Variants in CYSTM1 observed in about 807,000 individuals in gnomAD.
The protein encoded by CYSTM1 is cysteine rich transmembrane module containing 1.
A neutral mutation model predicts 13.1 loss-of-function variants in CYSTM1; 4 were observed. The ratio of observed to expected loss-of-function variants is 0.31; its 90% CI spans 0.15 to 0.70. The LOEUF (loss-of-function observed/expected upper bound fraction) is 0.70, where lower values mean the gene tolerates loss of function less well. CYSTM1 is among the 30% of genes least tolerant of loss of function. CYSTM1 has a pLI of 0.72. For missense variants in CYSTM1, 96 were observed against 121.6 expected, an observed-to-expected ratio of 0.79 and a Z score of 0.99; for synonymous variants, 36 against 42.7, an observed-to-expected ratio of 0.84 and a Z score of 0.62.
At chr5:140,236,170 A>T (rs1358776993) in intron 2 of CYSTM1, among the ~76,000 whole-genome samples, 1 of 152,198 alleles carries the variant, frequency 6.6e-6, no homozygotes. Flanking sequence ...GGTTTACAAA[A>T]ATAAAGTGAA....
At chr5:140,183,172 C>G (rs1428861749) in intron 1 of CYSTM1, among the ~76,000 whole-genome samples, 1 of 152,198 alleles carries the variant, frequency 6.6e-6, no homozygotes, top group African/African-American at 2.4e-5. Context: ...GGGACCTGGC[C>G]TGGGAAGTGG....
intron 2 of CYSTM1, among the ~76,000 whole-genome samples, chr5:140,232,145 G>T (rs1180886083): frequency 2.0e-5 from 3 of 152,210 alleles, no homozygotes; most frequent in African/African-American, 7.2e-5. Context: ...GTGCCTGGTG[G>T]TGGTGTTTAC....
chr5:140,227,798 G>A (rs1376836179), intron 2 of CYSTM1, among the ~76,000 whole-genome samples: 3 of 152,150 alleles, frequency 2.0e-5, no homozygotes, highest in Admixed American at 2.0e-4. Context: ...GGACCCCCAG[G>A]AGCAGCTTTG....
rs567997387 is a variant in CYSTM1, at chr5:140,180,640, G to A, written c.-21+5355G>A. Reference sequence around the variant, plus strand: ...GATTCCTTTATAGCTTTTAGGAGATGTATGTGGAATATTATTATTGATTTA... The same window carrying A: ...GATTCCTTTATAGCTTTTAGGAGATATATGTGGAATATTATTATTGATTTA... On this transcript the variant is annotated intron_variant, in intron 1 of 2. Coordinates refer to ENST00000261811, the MANE Select transcript of CYSTM1 (RefSeq NM_032412.4). 9.2e-5 allele frequency among the ~76,000 whole-genome samples: 14 copies of A among 152,282 alleles called. No homozygotes were observed. In the East Asian group the frequency reaches 2.7e-3, roughly 29 times the overall value.
intron 2 of CYSTM1, among the ~76,000 whole-genome samples, chr5:140,204,169 C>A (rs1764261803): frequency 6.6e-6 from 1 of 152,024 alleles, no homozygotes; most frequent in Non-Finnish European, 1.5e-5. Context: ...GAGTTCGACA[C>A]CAGCCTAGGC....
At chr5:140,242,015 T>G (rs955160156) in intron 2 of CYSTM1, among the ~76,000 whole-genome samples, 1 of 152,130 alleles carries the variant, frequency 6.6e-6, no homozygotes, top group Non-Finnish European at 1.5e-5. Flanking sequence ...TCCTTGCCTG[T>G]GAAGTGGGAA....
At chr5:140,195,722 TGCCTG>T (rs1292662481) in intron 2 of CYSTM1, among the ~76,000 whole-genome samples, 2 of 147,370 alleles carry the variant, frequency 1.4e-5, no homozygotes, top group African/African-American at 4.9e-5. Flanking sequence ...TGAGCCACTG[TGCCTG>T]GCCAAGATAG....
chr5:140,183,236 C>G (rs530244138), intron 1 of CYSTM1, among the ~76,000 whole-genome samples: 56 of 152,300 alleles, frequency 3.7e-4, no homozygotes, highest in African/African-American at 1.3e-3. Flanking sequence ...TGTGTCCTCT[C>G]AACTTGGCAG....
At chr5:140,183,760 CAG>C (rs1374130417) in intron 1 of CYSTM1, among the ~76,000 whole-genome samples, 1 of 152,220 alleles carries the variant, frequency 6.6e-6, no homozygotes, top group African/African-American at 2.4e-5. Context: ...ATACTGCATC[CAG>C]GCAGTCCTCT....
rs187398087 is a variant in CYSTM1 at position 140,196,738 on chromosome 5, T to C, written c.187+2086T>C. On this transcript the variant is annotated intron_variant, in intron 2 of 2. Coordinates refer to ENST00000261811, the MANE Select transcript of CYSTM1 (RefSeq NM_032412.4). ...GCTTCAAAATAAGGTAACCCTGTGA[T>C]GAATAAAAGAAAGCAGAAAAGACTA... Among the ~76,000 whole-genome samples, 32 of 152,272 alleles carry C rather than the reference T, an allele frequency of 2.1e-4. No homozygotes were observed. The East Asian group carries it at 5.4e-3, about 26-fold the overall frequency.
At chr5:140,212,725 G>C (rs1764382690) in intron 2 of CYSTM1, among the ~76,000 whole-genome samples, 1 of 152,078 alleles carries the variant, frequency 6.6e-6, no homozygotes, top group Admixed American at 6.6e-5. Flanking sequence ...CCAGCACTTT[G>C]GGAGGCCAGA....
intron 1 of CYSTM1, among the ~76,000 whole-genome samples, chr5:140,189,791 A>C (rs1421504446): frequency 6.6e-6 from 1 of 151,748 alleles, no homozygotes; most frequent in African/African-American, 2.4e-5. Context: ...TTTCACTTCT[A>C]TATATATATA....
intron 2 of CYSTM1, among the ~76,000 whole-genome samples, chr5:140,220,271 G>A (rs1241483281): frequency 6.6e-6 from 1 of 152,156 alleles, no homozygotes; most frequent in Non-Finnish European, 1.5e-5. Flanking sequence ...GTCAGGCCAT[G>A]GTGGCCCTAT....
chr5:140,216,583 TC>T (rs1764429456), intron 2 of CYSTM1, among the ~76,000 whole-genome samples: 1 of 152,174 alleles, frequency 6.6e-6, no homozygotes. Context: ...GGGAGTGGGT[TC>T]CTTCTCCAGG....
At chr5:140,188,789 A>AG (rs1764054869) in intron 1 of CYSTM1, among the ~76,000 whole-genome samples, 1 of 151,956 alleles carries the variant, frequency 6.6e-6, no homozygotes, top group Non-Finnish European at 1.5e-5. Flanking sequence ...AAAAAAAAAA[A>AG]AAAAAAAGAA....
At chr5:140,225,962 CA>C (rs1451847173) in intron 2 of CYSTM1, among the ~76,000 whole-genome samples, 3 of 152,204 alleles carry the variant, frequency 2.0e-5, no homozygotes, top group Admixed American at 6.5e-5. Flanking sequence ...CTCTGACTCC[CA>C]GCCTCCTGTT....
chr5:140,217,120 T>A (rs1764438411), intron 2 of CYSTM1, among the ~76,000 whole-genome samples: 1 of 152,180 alleles, frequency 6.6e-6, no homozygotes, highest in Non-Finnish European at 1.5e-5. Context: ...CTTGGTTTCC[T>A]CTGAGCTTTT....
At chr5:140,218,732 G>C (rs1193345542) in intron 2 of CYSTM1, among the ~76,000 whole-genome samples, 1 of 152,238 alleles carries the variant, frequency 6.6e-6, no homozygotes, top group Non-Finnish European at 1.5e-5. Flanking sequence ...CTATCCAGGA[G>C]GGTGGTACCC....
At chr5:140,226,495 A>AT (rs1491374146) in intron 2 of CYSTM1, among the ~76,000 whole-genome samples, 1 of 104,316 alleles carries the variant, frequency 9.6e-6, no homozygotes, top group East Asian at 2.3e-4. Context: ...ATATATATAT[A>AT]ATATATATAA....
Sources: gnomAD v4.1 joint callset for allele counts (sites outside exome capture counted in the v4.1 genomes callset) on GRCh38, gnomAD v4.1.1 for gene constraint, MANE v1.5 for transcripts, NCBI Gene and HGNC (gene_info 2026-07-23, HGNC 2026-07-21) for gene names.